The following RBFOX2 variants were observed in gnomAD, a reference collection of about 807,000 sequenced individuals.
The protein encoded by RBFOX2 is RNA binding fox-1 homolog 2.
Under a neutral mutation model 49.1 loss-of-function variants are expected in RBFOX2, and 10 were observed. That is an observed-to-expected ratio of 0.20 (90% CI 0.13 to 0.35). The LOEUF (loss-of-function observed/expected upper bound fraction) is 0.35, where lower values mean the gene tolerates loss of function less well. Ranked by LOEUF, RBFOX2 falls within the 10% of genes least tolerant of loss-of-function variation. The pLI, the probability that RBFOX2 is intolerant of heterozygous loss-of-function variation, is 1.00. For synonymous variants in RBFOX2, 183 were observed against 187.4 expected (o/e 0.98, Z 0.19); for missense variants, 323 against 486.9 (o/e 0.66, Z 3.17).
At chr22:35,900,943 G>C (rs2048493812) in intron 1 of RBFOX2, among the ~76,000 whole-genome samples, 1 of 152,196 alleles carries the variant, frequency 6.6e-6, no homozygotes, top group South Asian at 2.1e-4. Context: ...CCAGTTAGGG[G>C]ATGTAAACCA....
At chr22:35,998,172 T>C (rs765571842) in intron 1 of RBFOX2, 12 of 152,174 alleles carry the variant, frequency 7.9e-5, no homozygotes, top group Non-Finnish European at 1.5e-4. Context: ...AATTTTATAT[T>C]ATATATAGTT....
intron 1 of RBFOX2, among the ~76,000 whole-genome samples, chr22:36,003,983 G>C (rs1030121675): frequency 6.6e-6 from 1 of 152,116 alleles, no homozygotes; most frequent in African/African-American, 2.4e-5. Flanking sequence ...GTGCACTTTA[G>C]GATGTTAAAG....
chr22:36,025,222 C>T (rs1380713920), intron 1 of RBFOX2, among the ~76,000 whole-genome samples: 2 of 152,180 alleles, frequency 1.3e-5, no homozygotes, highest in African/African-American at 4.8e-5. Flanking sequence ...ATACATTGGT[C>T]TCCTGTTTCC....
intron 5 of RBFOX2, among the ~76,000 whole-genome samples, chr22:35,767,377 G>GTATA (rs1408962012): frequency 3.3e-5 from 5 of 152,100 alleles, no homozygotes; most frequent in African/African-American, 9.7e-5. Context: ...CCGCCAACGG[G>GTATA]CACCATCGCC....
At chr22:35,990,081 G>C (rs149841629) in intron 1 of RBFOX2, among the ~76,000 whole-genome samples, 211 of 152,298 alleles carry the variant, frequency 1.4e-3, no homozygotes, top group Non-Finnish European at 2.4e-3. Flanking sequence ...TACTCAGGAG[G>C]CTGAGGCAGA....
chr22:35,982,474 G>A (rs1216963661), intron 1 of RBFOX2, among the ~76,000 whole-genome samples: 2 of 152,122 alleles, frequency 1.3e-5, no homozygotes, highest in Admixed American at 6.5e-5. Context: ...CTGAGGTCAT[G>A]GACTGTCTCT....
At chr22:36,027,671 C>G (rs1271851078) in intron 1 of RBFOX2, among the ~76,000 whole-genome samples, 1 of 152,096 alleles carries the variant, frequency 6.6e-6, no homozygotes, top group Non-Finnish European at 1.5e-5. Context: ...CCACCGTGTC[C>G]CCATAACATT....
At chr22:36,007,576 G>C (rs2058664601) in intron 1 of RBFOX2, among the ~76,000 whole-genome samples, 1 of 151,844 alleles carries the variant, frequency 6.6e-6, no homozygotes, top group Admixed American at 6.6e-5. Flanking sequence ...AATTCAAAAG[G>C]AACAAAAGGT....
At chr22:36,018,741 G>A (rs2146492623) in intron 1 of RBFOX2, among the ~76,000 whole-genome samples, 1 of 152,276 alleles carries the variant, frequency 6.6e-6, no homozygotes, top group South Asian at 2.1e-4. Context: ...AGCCTCCCAA[G>A]TAGCTGGGAT....
At chr22:36,001,843 C>T (rs1032221597) in intron 1 of RBFOX2, among the ~76,000 whole-genome samples, 4 of 152,042 alleles carry the variant, frequency 2.6e-5, no homozygotes, top group Non-Finnish European at 4.4e-5. Context: ...GCGGGCGGAT[C>T]ACTTGAGGTC....
chr22:35,952,037 C>T (rs577585347), intron 1 of RBFOX2, among the ~76,000 whole-genome samples: 3 of 152,250 alleles, frequency 2.0e-5, no homozygotes, highest in South Asian at 2.1e-4. Flanking sequence ...GCTTTCCTTT[C>T]GGGAGTCTGG....
intron 1 of RBFOX2, among the ~76,000 whole-genome samples, chr22:35,882,293 A>C (rs994406850): frequency 6.6e-6 from 1 of 152,342 alleles, no homozygotes; most frequent in Admixed American, 6.5e-5. Flanking sequence ...AGATAGGTCA[A>C]GTAAGATGAG....
intron 2 of RBFOX2, among the ~76,000 whole-genome samples, chr22:35,807,351 T>C (rs1156411033): frequency 6.6e-6 from 1 of 152,006 alleles, no homozygotes; most frequent in Admixed American, 6.6e-5. Context: ...AAAGACTGTC[T>C]AGTAAACCAT....
At chr22:35,829,476 C>T (rs1956393988) in intron 1 of RBFOX2, among the ~76,000 whole-genome samples, 1 of 151,532 alleles carries the variant, frequency 6.6e-6, no homozygotes, top group Admixed American at 6.6e-5. Flanking sequence ...CACATATACA[C>T]CCACTGGATT....
intron 2 of RBFOX2, among the ~76,000 whole-genome samples, chr22:35,794,370 C>CTT (rs561908106): frequency 1.3e-5 from 2 of 152,074 alleles, no homozygotes; most frequent in East Asian, 3.9e-4. Context: ...TTTAAAAATG[C>CTT]TTTTTAGGCC....
At chr22:35,897,469 A>G (rs2047997346) in intron 1 of RBFOX2, 1 of 829,784 alleles carries the variant, frequency 1.2e-6, no homozygotes, top group Non-Finnish European at 2.1e-6. Context: ...CAGGACTCAA[A>G]TGGGCTTATT....
chr22:35,760,533 C>T (rs902191096), intron 8 of RBFOX2, among the ~76,000 whole-genome samples: 1 of 152,160 alleles, frequency 6.6e-6, no homozygotes, highest in South Asian at 2.1e-4. Context: ...AGTCTTTAGA[C>T]ATTTCATTTC....
chr22:35,828,506 T>G (rs998242254), intron 1 of RBFOX2, among the ~76,000 whole-genome samples: 9 of 152,148 alleles, frequency 5.9e-5, no homozygotes, highest in Non-Finnish European at 8.8e-5. Flanking sequence ...AAGTACTCAG[T>G]TGAGTGATGA....
intron 1 of RBFOX2, chr22:35,822,046 C>G (rs1603300242): frequency 2.1e-6 from 1 of 484,998 alleles, no homozygotes; most frequent in Non-Finnish European, 4.1e-6. Flanking sequence ...AGAGGGCCAG[C>G]CTTTCTGCCT....
Sources: gnomAD v4.1 joint callset for allele counts (sites outside exome capture counted in the v4.1 genomes callset) on GRCh38, gnomAD v4.1.1 for gene constraint, MANE v1.5 for transcripts, NCBI Gene and HGNC (gene_info 2026-07-23, HGNC 2026-07-21) for gene names.